The following ADGRG6 variants were observed in gnomAD, a reference collection of about 807,000 sequenced individuals.
The protein encoded by ADGRG6 is adhesion G protein-coupled receptor G6, also known as G-protein coupled receptor 126.
Under a neutral mutation model 142.4 loss-of-function variants are expected in ADGRG6, and 84 were observed. That is an observed-to-expected ratio of 0.59 (90% CI 0.49 to 0.71). The LOEUF (loss-of-function observed/expected upper bound fraction) is 0.71, where lower values mean the gene tolerates loss of function less well. ADGRG6 is among the 30% of genes least tolerant of loss of function. The probability of loss-of-function intolerance (pLI) is 0.00; values close to 1 mark genes in which losing one functional copy is unlikely to be tolerated. For missense variants in ADGRG6, 1,367 were observed against 1,466.6 expected (o/e 0.93, Z 1.11); for synonymous variants, 521 against 520.5 (o/e 1.00, Z -0.01).
At chr6:142,333,378 C>T (rs1779158501) in intron 2 of ADGRG6, among the ~76,000 whole-genome samples, 1 of 152,144 alleles carries the variant, frequency 6.6e-6, no homozygotes, top group African/African-American at 2.4e-5. Context: ...TAAGAGTTTA[C>T]ATATAACATT....
At chr6:142,414,929 G>A (rs2115069963) in intron 18 of ADGRG6, 40 bp from the exon 19 acceptor site, 2 of 1,571,810 alleles carry the variant, frequency 1.3e-6, no homozygotes, top group East Asian at 4.6e-5. Context: ...ATTCTCATGA[G>A]AAGAGAGTTT....
chr6:142,397,515 G>A, intron 9 of ADGRG6, 98 bp from the exon 10 acceptor site: 2 of 1,045,306 alleles, frequency 1.9e-6, no homozygotes, highest in South Asian at 2.9e-5. Flanking sequence ...CTCAACAGGT[G>A]ATGGTCATCC....
rs1344173226 is a variant in ADGRG6, at chr6:142,354,639, TAGAAA to T, written c.104-12924_104-12920del. Among the ~76,000 whole-genome samples the T allele has an allele frequency of 2.6e-5, 4 of 152,332 alleles. No individual in the cohort carries two copies. The East Asian group carries it at 7.7e-4, about 29-fold the overall frequency. The stretch of plus-strand genomic sequence containing the variant: ...GCTTTTGAATTATGACTTAGTTTTA[TAGAAA>T]AGAAATCTGTAAAACATTGTAAAAT... On this transcript the variant is annotated intron_variant, in intron 2 of 24. Coordinates refer to ENST00000367609, the MANE Select transcript of ADGRG6 (RefSeq NM_198569.3).
chr6:142,411,285 T>A lies in ADGRG6; in HGVS notation c.2435-20T>A. The A allele has an allele frequency of 7.3e-7, 1 of 1,361,286 alleles. No individual in the cohort carries two copies. The highest frequency in any genetic ancestry group is 1.2e-5 in the South Asian group (1 of 86,030). The allele number at this position is 1,361,286 out of a possible 1,614,324, so 84.3% of individuals were successfully genotyped here. ...AAACTGACCTGCTGTTTTCACACTG[T>A]TTGTTGATTCCTTCAACAGAAAGTT... is the stretch of plus-strand genomic sequence containing the variant. On this transcript the variant is annotated intron_variant, in intron 17 of 24. Coordinates refer to ENST00000367609, the MANE Select transcript of ADGRG6 (RefSeq NM_198569.3).
At chr6:142,397,788 T>C (rs756143747) in intron 10 of ADGRG6, 33 bp downstream of exon 10, 41 of 1,322,242 alleles carry the variant, frequency 3.1e-5, no homozygotes, top group Non-Finnish European at 4.1e-5. Context: ...ATATGCATTT[T>C]ATACAACTGT....
Position 142,407,192 on chromosome 6 carries a change from G to GAAGC in ADGRG6, c.2269-956_2269-953dup, listed in dbSNP as rs1775849306. 5.1e-5 allele frequency among the ~76,000 whole-genome samples: 7 copies of GAAGC among 137,084 alleles called. No individual in the cohort carries two copies. The South Asian group carries it at 1.6e-3, about 31-fold the overall frequency. 89.9% of individuals were successfully genotyped at this position (137,084 alleles called of 152,430 possible). ...CTTTAAAAAAAAAAAAAAAAAAAAGGAAGCATATGTTCAGTTTCTAAAGTT... is the reference window on the plus strand; with the variant it reads ...CTTTAAAAAAAAAAAAAAAAAAAAGGAAGCAAGCATATGTTCAGTTTCTAAAGTT... On this transcript the variant is annotated intron_variant, in intron 15 of 24. Transcript: ENST00000367609.
At chr6:142,379,132 C>T (rs1781631429) in intron 4 of ADGRG6, among the ~76,000 whole-genome samples, 1 of 152,180 alleles carries the variant, frequency 6.6e-6, no homozygotes, top group Non-Finnish European at 1.5e-5. Context: ...AGTGTTTACC[C>T]TACCCCACCT....
intron 2 of ADGRG6, 131 bp from the exon 3 acceptor site, chr6:142,367,438 A>G (rs1780995161): frequency 1.6e-6 from 1 of 625,244 alleles, no homozygotes; most frequent in African/African-American, 1.9e-5. Context: ...TTTTCCATTT[A>G]TTTTTTATGA....
chr6:142,408,234 C>G lies in ADGRG6; in HGVS notation c.2353C>G (p.Pro785Ala). ...GNITIQNLKDPVQIKIKHTRT... is the reference protein window; with the variant it reads ...GNITIQNLKDAVQIKIKHTRT... ...CATTACTATCCAGAATCTGAAGGATCCTGTTCAAATAAAAATCAAACATAC... is the reference window on the plus strand; with the variant it reads ...CATTACTATCCAGAATCTGAAGGATGCTGTTCAAATAAAAATCAAACATAC... Residue 785 changes from proline to alanine, a missense_variant, in exon 16 of 25, where the codon CCT (proline) becomes GCT (alanine). Coordinates refer to ENST00000367609, the MANE Select transcript of ADGRG6 (RefSeq NM_198569.3). The G allele has an allele frequency of 2.5e-6, 4 of 1,577,924 alleles. No individual in the cohort carries two copies. Among genetic ancestry groups the G allele is most frequent in the Admixed American group, 1.8e-5 (1 of 55,878 alleles).
chr6:142,433,521 G>A (rs1036295015), intron 22 of ADGRG6, among the ~76,000 whole-genome samples: 4 of 152,062 alleles, frequency 2.6e-5, no homozygotes, highest in African/African-American at 4.8e-5. Flanking sequence ...TATCTATTCC[G>A]TACTTCCTGG....
intron 2 of ADGRG6, among the ~76,000 whole-genome samples, chr6:142,338,405 T>C (rs1047380566): frequency 5.3e-5 from 8 of 151,738 alleles, no homozygotes; most frequent in Admixed American, 4.6e-4. Context: ...TTCGAATATC[T>C]AATTTTCTTT....
Position 142,420,007 on chromosome 6 carries a change from C to G in ADGRG6, c.3222C>G (p.Thr1074=), listed in dbSNP as rs1431009849. ...LRNLRSVVSL[T]FLLGMTWGFA... ...ACCTGCGCAGTGTGGTTAGCTTGAC[C>G]TTTCTGTTGGGCATGACATGGGGTT... The change falls in exon 22 of 25, where the codon ACC becomes ACG. Residue 1074 remains threonine (T), a synonymous_variant. Coordinates refer to ENST00000367609, the MANE Select transcript of ADGRG6 (RefSeq NM_198569.3). 1 of 1,613,536 alleles carries G rather than the reference C, an allele frequency of 6.2e-7. No homozygotes were observed. The highest frequency in any genetic ancestry group is 1.7e-5 in the Admixed American group (1 of 59,962).
At chr6:142,401,136 A>G (rs1041884036) in intron 11 of ADGRG6, among the ~76,000 whole-genome samples, 3 of 152,186 alleles carry the variant, frequency 2.0e-5, no homozygotes, top group Admixed American at 6.5e-5. Context: ...CTCACTCCCA[A>G]TTAGAGTTTT....
At position 142,444,920 on chromosome 6, in the gene ADGRG6, A is replaced by G. The variant is rs948128278; in HGVS notation, c.*1405A>G. ...CTGGGAGGCAACAGCATTAAGTGAT[A>G]AGAAAAGGAGACATTCTGGCAAAGC... On this transcript the variant is annotated 3_prime_UTR_variant, in exon 25 of 25. Coordinates refer to ENST00000367609, the MANE Select transcript of ADGRG6 (RefSeq NM_198569.3). 5 of 152,212 alleles carry G rather than the reference A, an allele frequency of 3.3e-5. No homozygotes were observed. The highest frequency in any genetic ancestry group is 5.9e-5 in the Non-Finnish European group (4 of 68,052). The allele number at this position is 152,212 out of a possible 1,614,324, so 9.4% of individuals were successfully genotyped here.
rs1444956637 is a variant in ADGRG6, at chr6:142,446,068, G to C, written c.*2553G>C. 2 of 152,480 alleles carry C rather than the reference G, an allele frequency of 1.3e-5. No individual in the cohort carries two copies. Among genetic ancestry groups the C allele is most frequent in the African/African-American group, 4.8e-5 (2 of 41,402 alleles). 9.4% of individuals were successfully genotyped at this position (152,480 alleles called of 1,614,324 possible). ...TGTTGTTTTAATTAACTTTCTATTAGAGAGACTGTATATATTTTTTCTAAA... is the reference window on the plus strand; with the variant it reads ...TGTTGTTTTAATTAACTTTCTATTACAGAGACTGTATATATTTTTTCTAAA... On this transcript the variant is annotated 3_prime_UTR_variant, in exon 25 of 25. Transcript: ENST00000367609.
In ADGRG6 at chr6:142,339,097, A is replaced by C. The variant is rs115973804; in HGVS notation, c.104-28472A>C. Among the ~76,000 whole-genome samples, 1,232 of 152,314 alleles carry C rather than the reference A, an allele frequency of 8.1e-3. 14 individuals carry two copies. Among genetic ancestry groups the C allele is most frequent in the African/African-American group, 0.028 (1,173 of 41,574 alleles). The stretch of plus-strand genomic sequence containing the variant: ...ACCTGTCTCTCACAGTAGTTGTACA[A>C]ATCTCAGGTGTTAACTTAAATATTT... On this transcript the variant is annotated intron_variant, in intron 2 of 24. Transcript: ENST00000367609.
At chr6:142,367,940 C>G in intron 3 of ADGRG6, 30 bp downstream of exon 3, 1 of 1,284,212 alleles carries the variant, frequency 7.8e-7, no homozygotes, top group Non-Finnish European at 1.1e-6. Context: ...CGCCAACCTT[C>G]TGCTTTTATT....
intron 4 of ADGRG6, among the ~76,000 whole-genome samples, chr6:142,376,324 A>G (rs1021938817): frequency 6.6e-6 from 1 of 152,228 alleles, no homozygotes; most frequent in Non-Finnish European, 1.5e-5. Flanking sequence ...GTGGTACAGT[A>G]TAACGCAATG....
rs765747145 is a variant in ADGRG6 at position 142,442,399 on chromosome 6, C to A, written c.3575-938C>A. On this transcript the variant is annotated intron_variant, in intron 24 of 24. Transcript: ENST00000367609. ...TATTTGTAGGATACATGAAGACAAC[C>A]ATACGTCTTTATAGATAATAGAGCA... is the stretch of plus-strand genomic sequence containing the variant. Among the ~76,000 whole-genome samples the A allele has an allele frequency of 2.0e-5, 3 of 152,196 alleles. 1 individual carries two copies. In the Middle Eastern group the frequency reaches 0.01, roughly 518 times the overall value.
Sources: allele counts gnomAD v4.1 joint callset (sites outside exome capture counted in the v4.1 genomes callset), GRCh38; gene constraint gnomAD v4.1.1; transcripts MANE v1.5; gene names NCBI Gene and HGNC (gene_info 2026-07-23, HGNC 2026-07-21).